Variants in PKN3 observed in about 807,000 individuals in gnomAD.
The protein encoded by PKN3 is serine/threonine-protein kinase N3.
PKN3 carries 91 observed loss-of-function variants against 113.1 expected under a neutral mutation model. The ratio of observed to expected loss-of-function variants is 0.80; its 90% CI spans 0.68 to 0.96. The LOEUF is 0.96. PKN3 is among the 40% of genes least tolerant of loss of function. The pLI is 0.00. For missense variants in PKN3, 1,052 were observed against 1,202.2 expected, an observed-to-expected ratio of 0.88 and a Z score of 1.85; for synonymous variants, 467 against 499.0, an observed-to-expected ratio of 0.94 and a Z score of 0.85.
At chr9:128,713,994 G>A in intron 9 of PKN3, 52 bp from the exon 10 acceptor site, 2 of 1,580,684 alleles carry the variant, frequency 1.3e-6, no homozygotes, top group Non-Finnish European at 1.7e-6. Context: ...GAGGTGCCAT[G>A]GCAGATGAGA....
chr9:128,702,842 G>C lies in PKN3; in HGVS notation c.-74G>C. On this transcript the variant is annotated 5_prime_UTR_variant, in exon 1 of 22. Coordinates refer to ENST00000291906, the MANE Select transcript of PKN3 (RefSeq NM_013355.5). ...TTCCCGGGAAGTTTCAAGTTTGAAA[G>C]TCCTGGCGGAGGGTCTGCGGCTTCC... 1 of 1,136,156 alleles carries C rather than the reference G, an allele frequency of 8.8e-7. No individual in the cohort carries two copies. Among genetic ancestry groups the C allele is most frequent in the Non-Finnish European group, 1.3e-6 (1 of 799,280 alleles). The allele number at this position is 1,136,156 out of a possible 1,614,324, so 70.4% of individuals were successfully genotyped here. A position where few individuals can be genotyped will look rare whatever the true frequency, so the allele number is the denominator to read the frequency against.
Position 128,705,438 on chromosome 9 carries a change from C to A in PKN3, c.160C>A (p.Gln54Lys). 1 of 1,586,070 alleles carries A rather than the reference C, an allele frequency of 6.3e-7. No individual in the cohort carries two copies. Among genetic ancestry groups the A allele is most frequent in the South Asian group, 1.1e-5 (1 of 87,466 alleles). ...ATDRRHLGHVQQLLRSSNRRL... is the reference protein window; with the variant it reads ...ATDRRHLGHVKQLLRSSNRRL... The stretch of plus-strand genomic sequence containing the variant: ...AGACCGCCGCCACTTGGGCCATGTG[C>A]AGCAGCTGCTGCGGTCCTCCAACCG... The change falls in exon 2 of 22, where the codon CAG becomes AAG. Residue 54 changes from glutamine (Q) to lysine (K), a missense_variant. By Grantham distance (53) the Gln-to-Lys change is moderately conservative. Coordinates refer to ENST00000291906, the MANE Select transcript of PKN3 (RefSeq NM_013355.5).
chr9:128,706,490 G>A (rs1039012589), intron 3 of PKN3, among the ~76,000 whole-genome samples: 3 of 150,480 alleles, frequency 2.0e-5, no homozygotes, highest in African/African-American at 4.9e-5. Context: ...GACCCCAGCC[G>A]TGATATGAAA....
intron 6 of PKN3, 119 bp downstream of exon 6, chr9:128,707,524 C>T (rs1171863854): frequency 1.3e-5 from 11 of 818,298 alleles, no homozygotes; most frequent in Admixed American, 5.8e-5. Context: ...CCACTAGCAG[C>T]GTGACCTTGG....
At chr9:128,713,974 A>G in intron 9 of PKN3, 72 bp from the exon 10 acceptor site, 4 of 1,505,338 alleles carry the variant, frequency 2.7e-6, no homozygotes, top group Admixed American at 3.3e-5. Context: ...CTGTAATCCC[A>G]GGGGCAGAGG....
chr9:128,719,949 T>C lies in PKN3; in HGVS notation c.2308T>C (p.Cys770Arg). The stretch of plus-strand genomic sequence containing the variant: ...GGACACAGAGGAAGAGGTGTTTGAC[T>C]GCATCGTCAACATGGACGCCCCCTA... ...PGDTEEEVFD[C>R]IVNMDAPYPG... The change falls in exon 20 of 22, where the codon TGC becomes CGC. Residue 770 changes from cysteine (C) to arginine (R), a missense_variant. This residue lies in a region of PKN3 where 333 missense variants were observed against 442.8 expected (regional missense o/e 0.75). Transcript: ENST00000291906. 6.2e-7 allele frequency: 1 copy of C among 1,614,146 alleles called. No homozygotes were observed.
intron 15 of PKN3, 60 bp from the exon 16 acceptor site, chr9:128,716,687 C>T: frequency 6.9e-7 from 1 of 1,439,298 alleles, no homozygotes; most frequent in South Asian, 1.2e-5. Context: ...TTGTGCAGGG[C>T]ACAGGGCACA....
At chr9:128,719,565 TC>T in intron 18 of PKN3, 120 bp from the exon 19 acceptor site, 1 of 1,009,296 alleles carries the variant, frequency 9.9e-7, no homozygotes, top group Non-Finnish European at 1.5e-6. Flanking sequence ...CATTCCCACT[TC>T]CTTGGGTACA....
In PKN3 at chr9:128,716,530, A is replaced by G. The variant is rs12005033; in HGVS notation, c.1809-217A>G. ...CAAAAATCTCTTGAACCCGGGAGGC[A>G]GAGGTTGCAATGAGCTGAGATCACA... On this transcript the variant is annotated intron_variant, in intron 15 of 21. Transcript: ENST00000291906. Among the ~76,000 whole-genome samples the G allele has an allele frequency of 8.0e-3, 1,211 of 151,756 alleles. 14 individuals carry two copies. The highest frequency in any genetic ancestry group is 0.023 in the African/African-American group (967 of 41,296).
chr9:128,714,355 G>GGCCCTCA lies in PKN3; in HGVS notation c.1471_1472insGCCCTCA (p.Ala491GlyfsTer7). The GGCCCTCA allele has an allele frequency of 5.0e-6, 8 of 1,600,328 alleles. No homozygotes were observed. The highest frequency in any genetic ancestry group is 6.8e-6 in the Non-Finnish European group (8 of 1,172,224). ...AACACTGCGAGAGGCCTCTGACCCT[G>GGCCCTCA]CCACTCCCAGGTGAGGAGCTCCCTT... is the stretch of plus-strand genomic sequence containing the variant. On this transcript the variant is annotated frameshift_variant, in exon 11 of 22. Coordinates refer to ENST00000291906, the MANE Select transcript of PKN3 (RefSeq NM_013355.5). LOFTEE classifies it high-confidence loss of function.
At position 128,714,559 on chromosome 9, in the gene PKN3, C is replaced by A; in HGVS notation, c.1482-3C>A. On this transcript the variant is annotated splice_region_variant and splice_polypyrimidine_tract_variant and intron_variant, in intron 11 of 21. Transcript: ENST00000291906. ...GGGCACTGTGTCTACTTTCTCCCTACAGTAATTTCCTGCCCAAGAAGACCC... is the reference window on the plus strand; with the variant it reads ...GGGCACTGTGTCTACTTTCTCCCTAAAGTAATTTCCTGCCCAAGAAGACCC... 8.3e-7 allele frequency: 1 copy of A among 1,211,756 alleles called. No homozygotes were observed. Among genetic ancestry groups the A allele is most frequent in the Non-Finnish European group, 1.2e-6 (1 of 812,506 alleles). 75.1% of individuals were successfully genotyped at this position (1,211,756 alleles called of 1,614,324 possible). A position where few individuals can be genotyped will look rare whatever the true frequency, so the allele number is the denominator to read the frequency against.
rs373265940 is a variant in PKN3, at chr9:128,707,037, C to G, written c.651+14C>G. ...GCACTGGCTGAGGTCAGGCCCCAGC[C>G]CTGGCCCTCTCCTAAGGCTGGCTTG... On this transcript the variant is annotated intron_variant, in intron 5 of 21. Coordinates refer to ENST00000291906, the MANE Select transcript of PKN3 (RefSeq NM_013355.5). The G allele has an allele frequency of 1.2e-6, 2 of 1,614,092 alleles. No homozygotes were observed. Among genetic ancestry groups the G allele is most frequent in the South Asian group, 2.2e-5 (2 of 91,034 alleles).
intron 6 of PKN3, among the ~76,000 whole-genome samples, chr9:128,709,620 TG>T (rs1473679425): frequency 6.6e-6 from 1 of 151,412 alleles, no homozygotes. Context: ...GGCCTGGTGG[TG>T]CATGCCTATA....
At position 128,716,180 on chromosome 9, in the gene PKN3, C is replaced by T. The variant is rs117546633; in HGVS notation, c.1809-567C>T. On this transcript the variant is annotated intron_variant, in intron 15 of 21. Transcript: ENST00000291906. ...AATTAGCTGGGCGTGGTGGTGCACA[C>T]CCAGCTACTCGTGAAGCTGTGGTGG... Among the ~76,000 whole-genome samples, 49 of 151,196 alleles carry T rather than the reference C, an allele frequency of 3.2e-4. No individual in the cohort carries two copies. The East Asian group carries it at 9.6e-3, about 30-fold the overall frequency.
At chr9:128,718,442 G>A (rs985796972) in intron 17 of PKN3, 55 bp downstream of exon 17, 1 of 1,576,966 alleles carries the variant, frequency 6.3e-7, no homozygotes. Flanking sequence ...GGGTGGAGTG[G>A]GTAAGGACAG....
Position 128,702,632 on chromosome 9 carries a change from A to T in PKN3, c.-284A>T, listed in dbSNP as rs867306320. ...CGCGGTCACGCCCAGCGGGAACCGC[A>T]GGCGCCGAAGCCCGGGTACTGGGCC... On this transcript the variant is annotated 5_prime_UTR_variant, in exon 1 of 22. Coordinates refer to ENST00000291906, the MANE Select transcript of PKN3 (RefSeq NM_013355.5). The T allele has an allele frequency of 1.3e-5, 5 of 388,146 alleles. No homozygotes were observed. The highest frequency in any genetic ancestry group is 4.8e-5 in the Admixed American group (1 of 20,712). The allele number at this position is 388,146 out of a possible 1,614,324, so 24.0% of individuals were successfully genotyped here.
Position 128,707,018 on chromosome 9 carries a change from G to A in PKN3, c.646G>A (p.Ala216Thr). The A allele has an allele frequency of 6.2e-7, 1 of 1,614,172 alleles. No homozygotes were observed. The highest frequency in any genetic ancestry group is 1.1e-5 in the South Asian group (1 of 91,078). Residue 216 changes from alanine to threonine, a missense_variant, in exon 5 of 22, where the codon GCT (alanine) becomes ACT (threonine). Physicochemically the swap from Ala to Thr is moderately conservative, Grantham distance 58. Around this residue, in one of 2 missense-constraint regions of PKN3, gnomAD observed 719 missense variants for 759.4 expected, o/e 0.95. Transcript: ENST00000291906. ...GAGAACACAGGACCGCAAGGCACTG[G>A]CTGAGGTCAGGCCCCAGCCCTGGCC... ...SRRTQDRKAL[A>T]EAQAQLQESS...
intron 6 of PKN3, among the ~76,000 whole-genome samples, 166 bp from the exon 7 acceptor site, chr9:128,712,886 G>A (rs917223299): frequency 6.6e-5 from 10 of 152,168 alleles, no homozygotes; most frequent in Non-Finnish European, 7.4e-5. Context: ...ACTCTAGGCC[G>A]CCACACTGAG....
chr9:128,720,123 G>A lies in PKN3; in HGVS notation c.2377-80G>A. 2 of 1,546,402 alleles carry A rather than the reference G, an allele frequency of 1.3e-6. No homozygotes were observed. Among genetic ancestry groups the A allele is most frequent in the Non-Finnish European group, 1.8e-6 (2 of 1,122,520 alleles). ...TGCCACCCATCCTTAGAGCGCTCTG[G>A]GCCAGCGTGCTTGGGGCCTGTGGAT... On this transcript the variant is annotated intron_variant, in intron 20 of 21. Coordinates refer to ENST00000291906, the MANE Select transcript of PKN3 (RefSeq NM_013355.5). The surrounding 1 kb of genome is among the most constrained non-coding windows in gnomAD (Gnocchi z 5.5).
Sources: allele counts gnomAD v4.1 joint callset (sites outside exome capture counted in the v4.1 genomes callset), GRCh38; gene constraint gnomAD v4.1.1; regional missense constraint gnomAD v4.1.1; non-coding constraint Gnocchi (gnomAD v3.1); transcripts MANE v1.5; gene names NCBI Gene and HGNC (gene_info 2026-07-23, HGNC 2026-07-21).